The following ZNF480 variants were observed in gnomAD, a reference collection of about 807,000 sequenced individuals.
ZNF480 encodes zinc finger protein 480.
ZNF480 carries 15 observed loss-of-function variants against 14.4 expected under a neutral mutation model. That is an observed-to-expected ratio of 1.04 (90% CI 0.70 to 1.60). ZNF480 has a LOEUF of 1.60. ZNF480 is among the 40% of genes most tolerant of loss of function. The pLI is 0.00. For missense variants in ZNF480, 593 were observed against 629.7 expected (o/e 0.94, Z 0.62); for synonymous variants, 218 against 215.5 (o/e 1.01, Z -0.10).
At chr19:52,306,286 C>T (rs760166533) in intron 2 of ZNF480, among the ~76,000 whole-genome samples, 1 of 152,184 alleles carries the variant, frequency 6.6e-6, no homozygotes, top group Non-Finnish European at 1.5e-5. Flanking sequence ...AATCTGCATA[C>T]AGTTCTTTCA....
chr19:52,314,598 G>A (rs1409433082), intron 3 of ZNF480, among the ~76,000 whole-genome samples: 1 of 151,388 alleles, frequency 6.6e-6, no homozygotes, highest in Non-Finnish European at 1.5e-5. Context: ...GAGGTCAGGA[G>A]TTTGAGACCA....
intron 4 of ZNF480, among the ~76,000 whole-genome samples, chr19:52,320,754 G>A (rs1367708975): frequency 6.6e-6 from 1 of 152,104 alleles, no homozygotes; most frequent in Non-Finnish European, 1.5e-5. Flanking sequence ...TTGCATCATT[G>A]TACTCCAGCC....
chr19:52,320,386 C>T (rs112971689), intron 4 of ZNF480, among the ~76,000 whole-genome samples: 17 of 152,258 alleles, frequency 1.1e-4, no homozygotes, highest in African/African-American at 3.8e-4. Flanking sequence ...GGTGCAGTGC[C>T]TCATGCCTGT....
At chr19:52,314,487 A>AAAAAACAAAACAAAAC (rs1568633673) in intron 3 of ZNF480, among the ~76,000 whole-genome samples, 8 of 150,976 alleles carry the variant, frequency 5.3e-5, no homozygotes, top group African/African-American at 1.9e-4. Flanking sequence ...AAAAAAAAAA[A>AAAAAACAAAACAAAAC]AAAAAAAAAA....
intron 3 of ZNF480, among the ~76,000 whole-genome samples, chr19:52,314,533 G>A (rs891550270): frequency 6.9e-6 from 1 of 145,298 alleles, no homozygotes; most frequent in African/African-American, 2.6e-5. Flanking sequence ...GCTGGGATCC[G>A]TGGCTCACAC....
intron 4 of ZNF480, 86 bp from the exon 5 acceptor site, chr19:52,321,493 G>A: frequency 8.6e-7 from 1 of 1,162,324 alleles, no homozygotes; most frequent in Non-Finnish European, 1.2e-6. Context: ...GTCTGAGTCA[G>A]ATGAGGCAGA....
intron 2 of ZNF480, among the ~76,000 whole-genome samples, chr19:52,311,785 C>T (rs1029828064): frequency 6.6e-6 from 1 of 151,524 alleles, no homozygotes; most frequent in African/African-American, 2.4e-5. Flanking sequence ...GCAACCTGGA[C>T]AACATAGTGA....
At position 52,325,565 on chromosome 19, in the gene ZNF480, C is replaced by T. The variant is rs963010165; in HGVS notation, c.*2707C>T. On this transcript the variant is annotated 3_prime_UTR_variant, in exon 5 of 5. Coordinates refer to ENST00000595962, the MANE Select transcript of ZNF480 (RefSeq NM_144684.4). ...AGATAAAGAAAATTTGGTACATATA[C>T]ACCATGGAATACTATGCAGCCATAA... is the stretch of plus-strand genomic sequence containing the variant. The T allele has an allele frequency of 1.3e-5, 2 of 152,210 alleles. No homozygotes were observed. The highest frequency in any genetic ancestry group is 2.9e-5 in the Non-Finnish European group (2 of 68,040). 9.4% of individuals were successfully genotyped at this position (152,210 alleles called of 1,614,324 possible). A position where few individuals can be genotyped will look rare whatever the true frequency, so the allele number is the denominator to read the frequency against.
Position 52,321,568 on chromosome 19 carries a change from T to C in ZNF480, c.329-11T>C. 1.3e-6 allele frequency: 2 copies of C among 1,551,012 alleles called. No homozygotes were observed. The highest frequency in any genetic ancestry group is 1.7e-6 in the Non-Finnish European group (2 of 1,151,344). ...TGGGGTCTGAATTTTACTTTTTTCT[T>C]GCTTTCCTAGGGAGCAGCTATGCAT... On this transcript the variant is annotated splice_polypyrimidine_tract_variant and intron_variant, in intron 4 of 4. Coordinates refer to ENST00000595962, the MANE Select transcript of ZNF480 (RefSeq NM_144684.4).
intron 2 of ZNF480, among the ~76,000 whole-genome samples, chr19:52,304,197 A>C (rs1419977056): frequency 2.6e-5 from 4 of 152,226 alleles, no homozygotes; most frequent in Non-Finnish European, 5.9e-5. Flanking sequence ...TACCGCAGGA[A>C]TTATAAATGC....
At position 52,321,765 on chromosome 19, in the gene ZNF480, C is replaced by T; in HGVS notation, c.515C>T (p.Ser172Phe). ...GTTTCCTGTCTTCAAGAAATGTCTT[C>T]CAGTGTCAAAACCCCCATTTTTAAT... ...SSVSCLQEMSSSVKTPIFNRN... is the reference protein window; with the variant it reads ...SSVSCLQEMSFSVKTPIFNRN... Residue 172 changes from serine to phenylalanine, a missense_variant, in exon 5 of 5, where the codon TCC becomes TTC. Transcript: ENST00000595962. 6.2e-7 allele frequency: 1 copy of T among 1,613,648 alleles called. No homozygotes were observed. Among genetic ancestry groups the T allele is most frequent in the Non-Finnish European group, 8.5e-7 (1 of 1,179,754 alleles).
chr19:52,302,219 T>C (rs1982727881), intron 2 of ZNF480: 1 of 165,598 alleles, frequency 6.0e-6, no homozygotes, highest in South Asian at 1.7e-4. Flanking sequence ...ACCAAACCAG[T>C]TCTGCTTCTG....
At position 52,322,677 on chromosome 19, in the gene ZNF480, T is replaced by C; in HGVS notation, c.1427T>C (p.Ile476Thr). The change falls in exon 5 of 5, where the codon ATC becomes ACC. Residue 476 changes from isoleucine (I) to threonine (T), a missense_variant. Coordinates refer to ENST00000595962, the MANE Select transcript of ZNF480 (RefSeq NM_144684.4). Reference sequence around the variant, plus strand: ...TTATCACTAACCAATCATCAGAGAATCCATACTGGAGAAAGACCTTACAAA... The same window carrying C: ...TTATCACTAACCAATCATCAGAGAACCCATACTGGAGAAAGACCTTACAAA... ...HKLSLTNHQR[I>T]HTGERPYKCN... The C allele has an allele frequency of 1.9e-6, 3 of 1,613,724 alleles. No individual in the cohort carries two copies. The highest frequency in any genetic ancestry group is 1.6e-4 in the Middle Eastern group (1 of 6,062).
At position 52,321,996 on chromosome 19, in the gene ZNF480, A is replaced by G. The variant is rs1303930168; in HGVS notation, c.746A>G (p.His249Arg). ...AGTCGCAATTCACACCTTGCAGAAC[A>G]TTGTAGAATTCATACTGGAGAGAAA... ...VFSRNSHLAE[H>R]CRIHTGEKPY... Residue 249 changes from histidine (H) to arginine (R), a missense_variant, in exon 5 of 5, where the codon CAT becomes CGT. Transcript: ENST00000595962. The G allele has an allele frequency of 6.2e-7, 1 of 1,612,348 alleles. No homozygotes were observed. The highest frequency in any genetic ancestry group is 1.3e-5 in the African/African-American group (1 of 74,902).
chr19:52,320,959 AGAGT>A (rs1983782249), intron 4 of ZNF480, among the ~76,000 whole-genome samples: 1 of 152,170 alleles, frequency 6.6e-6, no homozygotes, highest in South Asian at 2.1e-4. Context: ...CCTGGACGAT[AGAGT>A]GAGACCCTGT....
Position 52,322,637 on chromosome 19 carries a change from G to A in ZNF480, c.1387G>A (p.Ala463Thr). 1 of 1,613,980 alleles carries A rather than the reference G, an allele frequency of 6.2e-7. No individual in the cohort carries two copies. The highest frequency in any genetic ancestry group is 8.5e-7 in the Non-Finnish European group (1 of 1,179,970). Residue 463 changes from alanine (A) to threonine (T), a missense_variant, in exon 5 of 5, where the codon GCA becomes ACA. By Grantham distance (58) the Ala-to-Thr change is moderately conservative. Coordinates refer to ENST00000595962, the MANE Select transcript of ZNF480 (RefSeq NM_144684.4). ...KPYKCSECGKAFRHKLSLTNH... is the reference protein window; with the variant it reads ...KPYKCSECGKTFRHKLSLTNH... ...TTACAAATGTAGTGAATGTGGCAAG[G>A]CATTCAGACACAAGTTATCACTAAC...
Position 52,321,929 on chromosome 19 carries a change from G to GTA in ZNF480, c.680_681dup (p.Glu228Ter), listed in dbSNP as rs1412071652. 6.2e-7 allele frequency: 1 copy of GTA among 1,614,122 alleles called. No individual in the cohort carries two copies. The highest frequency in any genetic ancestry group is 1.1e-5 in the South Asian group (1 of 91,084). On this transcript the variant is annotated frameshift_variant, in exon 5 of 5. Coordinates refer to ENST00000595962, the MANE Select transcript of ZNF480 (RefSeq NM_144684.4). LOFTEE classifies it low-confidence loss of function (END_TRUNC). ...TACTAAACATCAAGTAATCCATACT[G>GTA]TAGAGAAACCTTACAAATGTAATTC...
At chr19:52,297,543 T>C (rs1435744088) in intron 1 of ZNF480, among the ~76,000 whole-genome samples, 1 of 152,074 alleles carries the variant, frequency 6.6e-6, no homozygotes, top group East Asian at 1.9e-4. Context: ...CGGATTCCGG[T>C]CTATGCGGTC....
chr19:52,313,222 TGC>T (rs1983377074), intron 2 of ZNF480, among the ~76,000 whole-genome samples: 1 of 150,932 alleles, frequency 6.6e-6, no homozygotes, highest in African/African-American at 2.4e-5. Context: ...CTGCAACCTC[TGC>T]CTTCCTGGTT....
Sources: allele counts gnomAD v4.1 joint callset (sites outside exome capture counted in the v4.1 genomes callset), GRCh38; gene constraint gnomAD v4.1.1; transcripts MANE v1.5; gene names NCBI Gene and HGNC (gene_info 2026-07-23, HGNC 2026-07-21).